Variants in PRKG1 observed in about 807,000 individuals in gnomAD.
The protein encoded by PRKG1 is cGMP-dependent protein kinase 1.
In PRKG1, 35 loss-of-function variants were observed where a neutral mutation model predicts 88.1. The observed-to-expected ratio is 0.40, with a 90% CI of 0.30 to 0.53. PRKG1 has a LOEUF of 0.53. PRKG1 is among the 20% of genes least tolerant of loss of function. The pLI, the probability that PRKG1 is intolerant of heterozygous loss-of-function variation, is 0.59. For synonymous variants in PRKG1, 303 were observed against 292.5 expected (o/e 1.04, Z -0.37); for missense variants, 540 against 839.8 (o/e 0.64, Z 4.41).
At chr10:51,191,307 C>CT (rs1026286588) in intron 2 of PRKG1, among the ~76,000 whole-genome samples, 6 of 151,804 alleles carry the variant, frequency 4.0e-5, no homozygotes, top group Non-Finnish European at 8.9e-5. Context: ...TTTGAATCTC[C>CT]TTTTTTCTAC....
rs1842778413 is a variant in PRKG1, at chr10:50,991,310, A to AGCCGCTGCCGGCTGCCGTCCCAGCC, written c.-64_-63insTGCCGGCTGCCGTCCCAGCCGCCGC. ...GCTCTCCGCTGCCGGCTGCCGTCCC[A>AGCCGCTGCCGGCTGCCGTCCCAGCC]GCCGCCGCCGCCGCCGCCGCCGCCG... On this transcript the variant is annotated 5_prime_UTR_variant, in exon 1 of 18. Transcript: ENST00000401604. The surrounding 1 kb of genome is among the most constrained non-coding windows in gnomAD (Gnocchi z 4.5). 1 of 1,356,070 alleles carries AGCCGCTGCCGGCTGCCGTCCCAGCC rather than the reference A, an allele frequency of 7.4e-7. No individual in the cohort carries two copies. The highest frequency in any genetic ancestry group is 9.7e-7 in the Non-Finnish European group (1 of 1,026,436). The allele number at this position is 1,356,070 out of a possible 1,614,324, so 84.0% of individuals were successfully genotyped here.
chr10:51,786,973 G>C lies in PRKG1; in HGVS notation c.593-17612G>C, dbSNP rs533316376. 6.6e-5 allele frequency among the ~76,000 whole-genome samples: 10 copies of C among 152,160 alleles called. No individual in the cohort carries two copies. The South Asian group carries it at 2.1e-3, about 32-fold the overall frequency. On this transcript the variant is annotated intron_variant, in intron 3 of 17. Coordinates refer to ENST00000373980, the MANE Select transcript of PRKG1 (RefSeq NM_006258.4). ...ATAAGGTTATGCATTCCAGGTTTAC[G>C]ATTTAGAAAATATAAATATTAAATC...
At chr10:51,307,490 G>A (rs1234725739) in intron 2 of PRKG1, among the ~76,000 whole-genome samples, 4 of 152,128 alleles carry the variant, frequency 2.6e-5, no homozygotes, top group African/African-American at 9.7e-5. Flanking sequence ...TCGTGGTGGT[G>A]AAAAGTGGAG....
intron 2 of PRKG1, among the ~76,000 whole-genome samples, chr10:51,228,750 T>C (rs2132104681): frequency 6.6e-6 from 1 of 152,348 alleles, no homozygotes; most frequent in Admixed American, 6.5e-5. Flanking sequence ...AGTAATCATT[T>C]TCCTCTGTGC....
intron 9 of PRKG1, among the ~76,000 whole-genome samples, chr10:52,217,626 A>T (rs1359818296): frequency 6.6e-6 from 1 of 152,200 alleles, no homozygotes; most frequent in African/African-American, 2.4e-5. Context: ...AGCAAGGATT[A>T]AACAATATAC....
At chr10:51,852,213 G>GTATATATATATATATA (rs10650535) in intron 4 of PRKG1, among the ~76,000 whole-genome samples, 2 of 143,296 alleles carry the variant, frequency 1.4e-5, no homozygotes, top group African/African-American at 5.3e-5. Flanking sequence ...TTTTATATGT[G>GTATATATATATATATA]TATATATATA....
At chr10:52,117,178 G>GTGTGTGTA (rs1847708649) in intron 7 of PRKG1, among the ~76,000 whole-genome samples, 1 of 150,808 alleles carries the variant, frequency 6.6e-6, no homozygotes, top group South Asian at 2.1e-4. Context: ...GTGTGTGTGT[G>GTGTGTGTA]TGTGTGTGTG....
intron 2 of PRKG1, among the ~76,000 whole-genome samples, chr10:51,412,635 C>T (rs901406305): frequency 1.1e-4 from 16 of 152,106 alleles, no homozygotes; most frequent in African/African-American, 3.9e-4. Context: ...CAGAGCAAGA[C>T]TCTGTCTCAA....
intron 4 of PRKG1, among the ~76,000 whole-genome samples, chr10:51,890,033 C>A (rs1056424127): frequency 6.6e-6 from 1 of 152,106 alleles, no homozygotes; most frequent in Non-Finnish European, 1.5e-5. Flanking sequence ...ATGGTAGTTT[C>A]TTTTGCTGTG....
intron 5 of PRKG1, among the ~76,000 whole-genome samples, chr10:52,040,382 A>G (rs1421666329): frequency 6.6e-6 from 1 of 152,162 alleles, no homozygotes; most frequent in Middle Eastern, 3.2e-3. Context: ...ACTATTTTCA[A>G]GTTCTGCTGA....
chr10:51,374,797 G>A lies in PRKG1; in HGVS notation c.479-92926G>A, dbSNP rs1317137186. Among the ~76,000 whole-genome samples, 6 of 152,290 alleles carry A rather than the reference G, an allele frequency of 3.9e-5. No individual in the cohort carries two copies. In the East Asian group the frequency reaches 1.2e-3, roughly 29 times the overall value. On this transcript the variant is annotated intron_variant, in intron 2 of 17. Coordinates refer to ENST00000373980, the MANE Select transcript of PRKG1 (RefSeq NM_006258.4). ...CTCAGGTATTTTGTTGTAGAAGCAT[G>A]AGACAGACTAAGGAGAAATCTGCTT...
chr10:52,082,808 T>C (rs1276832789), intron 7 of PRKG1, among the ~76,000 whole-genome samples: 2 of 152,114 alleles, frequency 1.3e-5, no homozygotes, highest in African/African-American at 4.8e-5. Context: ...TGACATAGAG[T>C]AGGAACATAT....
rs569344000 is a variant in PRKG1 at position 51,024,952 on chromosome 10, T to C, written c.266+33308T>C. ...GCAGGGGACACAGACCCAAACCATA[T>C]CAGTAACCATAAATCCTGAGCTCCT... On this transcript the variant is annotated intron_variant, in intron 1 of 17. Coordinates refer to the PRKG1 transcript ENST00000401604. Among the ~76,000 whole-genome samples the C allele has an allele frequency of 2.6e-5, 4 of 152,236 alleles. No individual in the cohort carries two copies. The South Asian group carries it at 8.3e-4, about 32-fold the overall frequency.
At chr10:51,030,237 T>C (rs1000313692) in intron 1 of PRKG1, among the ~76,000 whole-genome samples, 1 of 152,130 alleles carries the variant, frequency 6.6e-6, no homozygotes, top group African/African-American at 2.4e-5. Flanking sequence ...ATAAATTATC[T>C]ATAATTTATA....
chr10:51,178,200 C>A, intron 2 of PRKG1, among the ~76,000 whole-genome samples: 1 of 151,018 alleles, frequency 6.6e-6, no homozygotes, highest in East Asian at 1.9e-4. Flanking sequence ...ATGTTAAAAA[C>A]TGGATATTAA....
At chr10:51,469,505 G>A (rs78391309) in intron 3 of PRKG1, among the ~76,000 whole-genome samples, 6,849 of 151,796 alleles carry the variant, frequency 0.045, 237 homozygotes, top group Middle Eastern at 0.15. Flanking sequence ...TTAATGAAAT[G>A]ATTTGTTTGC....
At chr10:52,280,330 C>T (rs1269208595) in intron 12 of PRKG1, among the ~76,000 whole-genome samples, 3 of 152,066 alleles carry the variant, frequency 2.0e-5, no homozygotes, top group Non-Finnish European at 4.4e-5. Context: ...ACCATATCTG[C>T]ATTATTTAGA....
intron 4 of PRKG1, among the ~76,000 whole-genome samples, chr10:51,810,797 C>T (rs911983421): frequency 2.0e-5 from 3 of 152,224 alleles, no homozygotes; most frequent in African/African-American, 2.4e-5. Flanking sequence ...ATGTTGAGAT[C>T]ACCCCTTGAC....
At chr10:51,424,941 CTGATT>C (rs1838531850) in intron 2 of PRKG1, among the ~76,000 whole-genome samples, 1 of 151,984 alleles carries the variant, frequency 6.6e-6, no homozygotes, top group South Asian at 2.1e-4. Context: ...AATTATTTTC[CTGATT>C]GATTCTTTAA....
Sources: allele counts gnomAD v4.1 joint callset (sites outside exome capture counted in the v4.1 genomes callset), GRCh38; gene constraint gnomAD v4.1.1; non-coding constraint Gnocchi (gnomAD v3.1); transcripts MANE v1.5; gene names NCBI Gene and HGNC (gene_info 2026-07-23, HGNC 2026-07-21).